WFDC11: variants seen among roughly 807,000 people sequenced by gnomAD.
The protein encoded by WFDC11 is WAP four-disulfide core domain 11, also known as protein WFDC11.
A neutral mutation model predicts 9.9 loss-of-function variants in WFDC11; 9 were observed. The ratio of observed to expected loss-of-function variants is 0.91; its 90% CI spans 0.55 to 1.58. The LOEUF is 1.58. Among genes scored for constraint, WFDC11 ranks in the 40% most tolerant of loss-of-function variants. The pLI is 0.00. For missense variants in WFDC11, 106 were observed against 101.7 expected (o/e 1.04, Z -0.18); for synonymous variants, 32 against 33.3 (o/e 0.96, Z 0.13).
chr20:45,661,574 C>T (rs1983066713), intron 2 of WFDC11, among the ~76,000 whole-genome samples: 1 of 152,072 alleles, frequency 6.6e-6, no homozygotes, highest in African/African-American at 2.4e-5. Flanking sequence ...GTCTTTAATC[C>T]ATCTTGAATT....
At chr20:45,668,536 T>G (rs574528974) in intron 1 of WFDC11, among the ~76,000 whole-genome samples, 75 of 152,266 alleles carry the variant, frequency 4.9e-4, no homozygotes, top group African/African-American at 1.8e-3. Context: ...GCTCTTGTAC[T>G]AATAAAAGAG....
At chr20:45,648,938 TG>T (rs986818869) in intron 4 of WFDC11, among the ~76,000 whole-genome samples, 199 bp from the exon 5 acceptor site, 2 of 152,154 alleles carry the variant, frequency 1.3e-5, no homozygotes, top group Non-Finnish European at 2.9e-5. Flanking sequence ...CTGAGCCAAA[TG>T]GCCCATGGGA....
intron 2 of WFDC11, among the ~76,000 whole-genome samples, chr20:45,652,658 T>C (rs1982835192): frequency 6.6e-6 from 1 of 152,014 alleles, no homozygotes; most frequent in Non-Finnish European, 1.5e-5. Context: ...TTCGAACCCA[T>C]GGCAAAGAAT....
intron 2 of WFDC11, among the ~76,000 whole-genome samples, chr20:45,660,500 G>T (rs1398706656): frequency 6.6e-6 from 1 of 152,008 alleles, no homozygotes; most frequent in East Asian, 1.9e-4. Flanking sequence ...GTGCCATGCT[G>T]GTGTGCTTCA....
chr20:45,651,386 T>TTTTG (rs757777483), intron 2 of WFDC11, among the ~76,000 whole-genome samples: 10 of 152,034 alleles, frequency 6.6e-5, no homozygotes, highest in Admixed American at 3.3e-4. Flanking sequence ...GTTTTTTTTG[T>TTTTG]TTTGTTTGTT....
intron 3 of WFDC11, among the ~76,000 whole-genome samples, chr20:45,650,248 A>G (rs1203489113): frequency 6.9e-6 from 1 of 145,338 alleles, no homozygotes; most frequent in Non-Finnish European, 1.5e-5. Context: ...GTATATATAT[A>G]GAGAGAGAGA....
Position 45,649,320 on chromosome 20 carries a change from T to C in WFDC11, c.180A>G (p.Arg60=). Residue 60 remains arginine (R), a synonymous_variant, in exon 4 of 5, where the codon AGA becomes AGG. Transcript: ENST00000324384. The part of the protein sequence containing the change: ...ECTNKCSKAF[R]CKDKNYTCCW... ...AGCATGTGTAATTTTTGTCTTTACA[T>C]CTAAAGGCTTTAGAACACTTATTGG... 6.2e-7 allele frequency: 1 copy of C among 1,614,230 alleles called. No individual in the cohort carries two copies. The highest frequency in any genetic ancestry group is 2.2e-5 in the East Asian group (1 of 44,886).
chr20:45,666,531 G>C (rs1179493741), intron 2 of WFDC11, among the ~76,000 whole-genome samples: 2 of 152,200 alleles, frequency 1.3e-5, no homozygotes, highest in African/African-American at 4.8e-5. Flanking sequence ...CTGCAGACCA[G>C]AGCTGTTCCT....
intron 2 of WFDC11, among the ~76,000 whole-genome samples, chr20:45,658,910 C>CA (rs1204455376): frequency 5.0e-5 from 5 of 100,306 alleles, no homozygotes; most frequent in South Asian, 6.8e-4. Context: ...GATGCCCACC[C>CA]CCCCGTCCAT....
At chr20:45,650,688 G>A (rs888699847) in intron 2 of WFDC11, 37 bp from the exon 3 acceptor site, 14 of 1,131,968 alleles carry the variant, frequency 1.2e-5, no homozygotes, top group Non-Finnish European at 1.9e-5. Flanking sequence ...AAAGAGAGGT[G>A]TGAAGCAAGA....
chr20:45,656,925 C>T (rs545712507), intron 2 of WFDC11, among the ~76,000 whole-genome samples: 2 of 152,168 alleles, frequency 1.3e-5, no homozygotes, highest in Admixed American at 6.5e-5. Context: ...TTAAAAAGTC[C>T]AGAAACAACA....
At chr20:45,664,595 C>G (rs555288602) in intron 2 of WFDC11, among the ~76,000 whole-genome samples, 1 of 151,404 alleles carries the variant, frequency 6.6e-6, no homozygotes, top group Admixed American at 6.6e-5. Context: ...CCTTCAGGGC[C>G]CTTGTAAGAC....
Position 45,649,326 on chromosome 20 carries a change from G to A in WFDC11, c.174C>T (p.Ala58=). ...VKECTNKCSK[A]FRCKDKNYTC... ...TGTAATTTTTGTCTTTACATCTAAA[G>A]GCTTTAGAACACTTATTGGTACATT... is the stretch of plus-strand genomic sequence containing the variant. The change falls in exon 4 of 5, where the codon GCC becomes GCT. Residue 58 remains alanine, a synonymous_variant. Transcript: ENST00000324384. 6.2e-7 allele frequency: 1 copy of A among 1,614,146 alleles called. No individual in the cohort carries two copies. The highest frequency in any genetic ancestry group is 8.5e-7 in the Non-Finnish European group (1 of 1,180,022).
At chr20:45,664,872 A>C (rs965017619) in intron 2 of WFDC11, among the ~76,000 whole-genome samples, 1 of 151,910 alleles carries the variant, frequency 6.6e-6, no homozygotes, top group Non-Finnish European at 1.5e-5. Context: ...TTTCAACTTT[A>C]GTGAATCTAA....
intron 2 of WFDC11, among the ~76,000 whole-genome samples, chr20:45,652,100 A>G (rs1982820554): frequency 6.6e-6 from 1 of 152,202 alleles, no homozygotes; most frequent in Non-Finnish European, 1.5e-5. Context: ...TTCTCCCAGC[A>G]CGCAGCTGGA....
In WFDC11 at chr20:45,648,612, A is replaced by C; in HGVS notation, c.*107T>G. ...AAGTGTTTGCTGTTGTCCAGCTCTC[A>C]GTAAAAATAGACTGGTGTTCCTAAA... On this transcript the variant is annotated 3_prime_UTR_variant, in exon 5 of 5. Transcript: ENST00000324384. 8.3e-7 allele frequency: 1 copy of C among 1,211,460 alleles called. No homozygotes were observed. Among genetic ancestry groups the C allele is most frequent in the South Asian group, 1.3e-5 (1 of 76,606 alleles). 75.0% of individuals were successfully genotyped at this position (1,211,460 alleles called of 1,614,324 possible).
In WFDC11 at chr20:45,650,530, A is replaced by G. The variant is rs1452466721; in HGVS notation, c.71T>C (p.Leu24Pro). 1 of 1,613,724 alleles carries G rather than the reference A, an allele frequency of 6.2e-7. No individual in the cohort carries two copies. The highest frequency in any genetic ancestry group is 8.5e-7 in the Non-Finnish European group (1 of 1,180,002). ...TFFCTVLLSV[L>P]GEMRKKRYDR... ...ATATCTTTTCTTCCTCATTTCTCCC[A>G]GCACAGACAGTAGCACCGTACAGAA... The change falls in exon 3 of 5, where the codon CTG (leucine) becomes CCG (proline). Residue 24 changes from leucine to proline, a missense_variant. Leu to Pro is a moderately conservative substitution (Grantham distance 98). Coordinates refer to ENST00000324384, the MANE Select transcript of WFDC11 (RefSeq NM_147197.2).
intron 2 of WFDC11, among the ~76,000 whole-genome samples, chr20:45,660,583 A>C (rs1377968702): frequency 6.6e-6 from 1 of 152,068 alleles, no homozygotes; most frequent in Non-Finnish European, 1.5e-5. Flanking sequence ...ACCCCACAAC[A>C]GTCCCCAGAG....
At chr20:45,651,553 T>A (rs1340885673) in intron 2 of WFDC11, among the ~76,000 whole-genome samples, 1 of 152,160 alleles carries the variant, frequency 6.6e-6, no homozygotes, top group Non-Finnish European at 1.5e-5. Flanking sequence ...TTTCTGCATT[T>A]CCAGCTGAGG....
Sources: allele counts gnomAD v4.1 joint callset (sites outside exome capture counted in the v4.1 genomes callset), GRCh38; gene constraint gnomAD v4.1.1; transcripts MANE v1.5; gene names NCBI Gene and HGNC (gene_info 2026-07-23, HGNC 2026-07-21).